The following GALNT13 variants were observed in gnomAD, a reference collection of about 807,000 sequenced individuals.
GALNT13 encodes polypeptide N-acetylgalactosaminyltransferase 13.
GALNT13 carries 28 observed loss-of-function variants against 64.2 expected under a neutral mutation model. That is an observed-to-expected ratio of 0.44 (90% CI 0.32 to 0.60). The LOEUF (loss-of-function observed/expected upper bound fraction) is 0.60. GALNT13 is among the 20% of genes least tolerant of loss of function. The pLI, the probability that GALNT13 is intolerant of heterozygous loss-of-function variation, is 0.05. For missense variants in GALNT13, 577 were observed against 669.8 expected (o/e 0.86, Z 1.53); for synonymous variants, 214 against 224.6 (o/e 0.95, Z 0.42).
chr2:153,877,789 G>T (rs1345325104), intron 1 of GALNT13, among the ~76,000 whole-genome samples: 1 of 152,150 alleles, frequency 6.6e-6, no homozygotes, highest in Non-Finnish European at 1.5e-5. Context: ...TATGAAGAAG[G>T]TAAGATGGTG....
the GALNT13 span, among the ~76,000 whole-genome samples, chr2:153,735,150 G>C: frequency 2.6e-4 from 39 of 152,242 alleles, 1 homozygote; most frequent in South Asian, 4.6e-3. Flanking sequence ...TTTTCAGAGA[G>C]TTTAATTAAT....
At chr2:153,674,404 T>C in the GALNT13 span, among the ~76,000 whole-genome samples, 1 of 152,148 alleles carries the variant, frequency 6.6e-6, no homozygotes, top group Admixed American at 6.5e-5. Flanking sequence ...ACCATACATC[T>C]ACAACCGTCT....
chr2:153,524,417 A>C, the GALNT13 span, among the ~76,000 whole-genome samples: 1 of 151,346 alleles, frequency 6.6e-6, no homozygotes, highest in South Asian at 2.1e-4. Context: ...CTATCTACAC[A>C]CAAAGAACAC....
At chr2:153,684,076 A>C in the GALNT13 span, among the ~76,000 whole-genome samples, 9 of 83,914 alleles carry the variant, frequency 1.1e-4, no homozygotes, top group Non-Finnish European at 3.0e-4. Context: ...AATAATATAT[A>C]TATATATATA....
chr2:154,148,823 A>G (rs1464647846), intron 4 of GALNT13, among the ~76,000 whole-genome samples: 1 of 152,104 alleles, frequency 6.6e-6, no homozygotes, highest in African/African-American at 2.4e-5. Context: ...GATTGTGGAT[A>G]TTAGCCCTTT....
chr2:153,565,447 A>G, the GALNT13 span, among the ~76,000 whole-genome samples: 1 of 152,044 alleles, frequency 6.6e-6, no homozygotes, highest in African/African-American at 2.4e-5. Context: ...ATCTTTTAGC[A>G]AGGCTTTTTG....
the GALNT13 span, among the ~76,000 whole-genome samples, chr2:153,111,748 C>T: frequency 6.6e-6 from 1 of 151,962 alleles, no homozygotes; most frequent in Non-Finnish European, 1.5e-5. Flanking sequence ...ACATAATAGA[C>T]CATACTAATA....
At chr2:154,255,378 A>G (rs908343638) in intron 7 of GALNT13, among the ~76,000 whole-genome samples, 5 of 152,174 alleles carry the variant, frequency 3.3e-5, no homozygotes, top group African/African-American at 1.2e-4. Flanking sequence ...TAGAAAATAT[A>G]TGTGTCTGGT....
the GALNT13 span, among the ~76,000 whole-genome samples, chr2:153,687,638 A>G: frequency 6.6e-6 from 1 of 151,950 alleles, no homozygotes; most frequent in Non-Finnish European, 1.5e-5. Context: ...TTTCACAAGT[A>G]TAACAATTAA....
At chr2:154,162,333 C>G (rs1684780152) in intron 4 of GALNT13, among the ~76,000 whole-genome samples, 1 of 152,152 alleles carries the variant, frequency 6.6e-6, no homozygotes, top group Non-Finnish European at 1.5e-5. Context: ...TCACTGAGTG[C>G]CTTTCATCAA....
intron 3 of GALNT13, among the ~76,000 whole-genome samples, chr2:154,050,617 G>A (rs1699551864): frequency 1.3e-5 from 2 of 151,888 alleles, no homozygotes; most frequent in Admixed American, 1.3e-4. Flanking sequence ...ACTCAAGGGG[G>A]GAATAATATG....
the GALNT13 span, among the ~76,000 whole-genome samples, chr2:153,164,025 A>C: frequency 1.3e-5 from 2 of 152,220 alleles, no homozygotes; most frequent in Admixed American, 1.3e-4. Flanking sequence ...CTCAAAAAAA[A>C]AAAAAAAAAA....
intron 3 of GALNT13, among the ~76,000 whole-genome samples, chr2:154,103,937 C>G (rs935032710): frequency 2.0e-5 from 3 of 152,072 alleles, no homozygotes; most frequent in Non-Finnish European, 2.9e-5. Context: ...CATTTGGTCT[C>G]CAGTTCAGTT....
chr2:153,576,118 T>G, the GALNT13 span, among the ~76,000 whole-genome samples: 5 of 151,930 alleles, frequency 3.3e-5, no homozygotes, highest in Admixed American at 3.3e-4. Flanking sequence ...GTGGCTGAGT[T>G]GGTATCCAAG....
the GALNT13 span, among the ~76,000 whole-genome samples, chr2:153,327,458 T>G: frequency 6.6e-6 from 1 of 152,102 alleles, no homozygotes; most frequent in African/African-American, 2.4e-5. Context: ...TCTTTTCACA[T>G]AGTTTCATAA....
At chr2:153,978,506 C>A (rs567020580) in intron 3 of GALNT13, among the ~76,000 whole-genome samples, 11 of 152,192 alleles carry the variant, frequency 7.2e-5, no homozygotes, top group Non-Finnish European at 1.5e-4. Context: ...GTAATTGAAT[C>A]ATGGGGGCTG....
chr2:153,081,694 G>C, the GALNT13 span, among the ~76,000 whole-genome samples: 2 of 152,094 alleles, frequency 1.3e-5, no homozygotes, highest in Admixed American at 1.3e-4. Context: ...CAAATGACTA[G>C]ATCTCATTCT....
At chr2:153,517,369 T>C in the GALNT13 span, among the ~76,000 whole-genome samples, 9 of 152,132 alleles carry the variant, frequency 5.9e-5, no homozygotes, top group Non-Finnish European at 1.3e-4. Context: ...CTTTTCTTAC[T>C]CGATAAAAGG....
the GALNT13 span, among the ~76,000 whole-genome samples, chr2:153,114,585 T>C: frequency 3.3e-5 from 5 of 152,082 alleles, no homozygotes; most frequent in Admixed American, 3.3e-4. Context: ...CTGACACCAG[T>C]GAAGTTTTGA....
Sources: allele counts gnomAD v4.1 joint callset (sites outside exome capture counted in the v4.1 genomes callset), GRCh38; gene constraint gnomAD v4.1.1; transcripts MANE v1.5; gene names NCBI Gene and HGNC (gene_info 2026-07-23, HGNC 2026-07-21).